CSMD2: variants seen among roughly 807,000 people sequenced by gnomAD.
The protein encoded by CSMD2 is CUB and sushi domain-containing protein 2.
CSMD2 carries 130 observed loss-of-function variants against 398.5 expected under a neutral mutation model. The ratio of observed to expected loss-of-function variants is 0.33; its 90% CI spans 0.28 to 0.38. CSMD2 has a LOEUF of 0.38. Among genes scored for constraint, CSMD2 ranks in the 10% least tolerant of loss-of-function variants. CSMD2 has a pLI of 1.00. For synonymous variants in CSMD2, 1,828 were observed against 1,908.5 expected, an observed-to-expected ratio of 0.96 and a Z score of 1.10; for missense variants, 3,829 against 4,764.9, an observed-to-expected ratio of 0.80 and a Z score of 5.78.
chr1:33,826,555 G>A (rs1352889178), intron 6 of CSMD2, among the ~76,000 whole-genome samples: 1 of 152,180 alleles, frequency 6.6e-6, no homozygotes, highest in East Asian at 1.9e-4. Context: ...GCTGAATCCT[G>A]GAGGTCACTG....
rs574642145 is a variant in CSMD2 at position 34,033,756 on chromosome 1, C to T, written c.405-1050G>A. On this transcript the variant is annotated intron_variant, in intron 2 of 70. Coordinates refer to ENST00000373381, the MANE Select transcript of CSMD2 (RefSeq NM_001281956.2). ...GGTTCTCCTGGGTGCCGCTGTATAC[C>T]TCCCACTGCTATACAATATCTTGAT... Among the ~76,000 whole-genome samples, 8 of 152,298 alleles carry T rather than the reference C, an allele frequency of 5.3e-5. No homozygotes were observed. In the South Asian group the frequency reaches 1.0e-3, roughly 20 times the overall value.
intron 52 of CSMD2, among the ~76,000 whole-genome samples, 198 bp from the exon 53 acceptor site, chr1:33,568,039 T>A (rs1659221860): frequency 6.6e-6 from 1 of 152,046 alleles, no homozygotes; most frequent in East Asian, 1.9e-4. Context: ...TTTCTGTGTC[T>A]CTACACAGAT....
At position 33,636,484 on chromosome 1, in the gene CSMD2, C is replaced by A; in HGVS notation, c.4845G>T (p.Lys1615Asn). ...AGTAGTAGGTGACGGAGGAGCCCAGCTTCAGGTCGGACCCCACCCGTGTGC... is the reference window on the plus strand; with the variant it reads ...AGTAGTAGGTGACGGAGGAGCCCAGATTCAGGTCGGACCCCACCCGTGTGC... ...KNGTRVGSDL[K>N]LGSSVTYYCH... is the part of the protein sequence containing the mutation. Residue 1615 changes from lysine (K) to asparagine (N), a missense_variant, in exon 30 of 71, where the codon AAG (lysine) becomes AAT (asparagine). Around this residue, in one of 5 missense-constraint regions of CSMD2, gnomAD observed 2,001 missense variants for 2,567.1 expected, o/e 0.78. Coordinates refer to ENST00000373381, the MANE Select transcript of CSMD2 (RefSeq NM_001281956.2). This position sits in a 1 kb window ranked among gnomAD's most constrained non-coding sequence, Gnocchi z 4.8. 4 of 1,614,168 alleles carry A rather than the reference C, an allele frequency of 2.5e-6. No homozygotes were observed.
intron 1 of CSMD2, among the ~76,000 whole-genome samples, chr1:34,107,126 C>A (rs987036870): frequency 6.6e-6 from 1 of 152,216 alleles, no homozygotes; most frequent in African/African-American, 2.4e-5. Flanking sequence ...GATTCTACTC[C>A]TGTCTGGGTC....
At chr1:33,955,891 C>T (rs1645152832) in intron 3 of CSMD2, among the ~76,000 whole-genome samples, 1 of 152,200 alleles carries the variant, frequency 6.6e-6, no homozygotes, top group African/African-American at 2.4e-5. Context: ...CCAGCCACAC[C>T]TGGGGGTTGG....
chr1:33,700,812 A>G lies in CSMD2; in HGVS notation c.3577-139T>C, dbSNP rs1645587723. On this transcript the variant is annotated intron_variant, in intron 22 of 70. Coordinates refer to ENST00000373381, the MANE Select transcript of CSMD2 (RefSeq NM_001281956.2). ...GAGGCACAGTGAGTTATCAGATGCA[A>G]GGAAGATGGCAGAGGGAAGCTATCA... 6.3e-6 allele frequency: 5 copies of G among 798,444 alleles called. 1 individual carries two copies. In the South Asian group the frequency reaches 6.9e-5, roughly 11 times the overall value. The allele number at this position is 798,444 out of a possible 1,614,324, so 49.5% of individuals were successfully genotyped here.
At chr1:34,061,992 T>A (rs1258629002) in intron 2 of CSMD2, among the ~76,000 whole-genome samples, 1 of 152,184 alleles carries the variant, frequency 6.6e-6, no homozygotes, top group Admixed American at 6.5e-5. Flanking sequence ...TATCTGTGTA[T>A]GGGATCTGTG....
intron 11 of CSMD2, 72 bp from the exon 12 acceptor site, chr1:33,788,784 G>T: frequency 9.8e-7 from 1 of 1,022,326 alleles, no homozygotes; most frequent in Non-Finnish European, 1.5e-6. Context: ...CCTGACCGAT[G>T]ACATTTAAAG....
chr1:33,880,102 T>C (rs1439253888), intron 5 of CSMD2, among the ~76,000 whole-genome samples: 1 of 152,188 alleles, frequency 6.6e-6, no homozygotes, highest in East Asian at 1.9e-4. Flanking sequence ...AAACACTGAT[T>C]GTGACCTCAT....
chr1:33,738,314 T>C (rs953511580), intron 15 of CSMD2, among the ~76,000 whole-genome samples: 2 of 152,168 alleles, frequency 1.3e-5, no homozygotes, highest in African/African-American at 4.8e-5. Context: ...GCCCTTGGGA[T>C]ACTCACTATT....
At chr1:33,891,203 G>GAAAA (rs201326020) in intron 5 of CSMD2, among the ~76,000 whole-genome samples, 3 of 144,760 alleles carry the variant, frequency 2.1e-5, no homozygotes, top group Non-Finnish European at 1.5e-5. Flanking sequence ...AAATTTACAA[G>GAAAA]AAAAAAAAAA....
rs1410609709 is a variant in CSMD2 at position 34,118,573 on chromosome 1, AAC to A, written c.188-29382_188-29381del. ...CAGCAAAGTTGCTGGATATAAAATC[AAC>A]ACACAAAAATAAGTTGCATTTCTAT... On this transcript the variant is annotated intron_variant, in intron 1 of 70. Transcript: ENST00000373381. Among the ~76,000 whole-genome samples, 10 of 152,378 alleles carry A rather than the reference AAC, an allele frequency of 6.6e-5. No homozygotes were observed. The East Asian group carries it at 1.9e-3, about 29-fold the overall frequency.
intron 3 of CSMD2, among the ~76,000 whole-genome samples, chr1:33,977,319 C>A (rs1027655437): frequency 1.3e-5 from 2 of 151,950 alleles, no homozygotes; most frequent in East Asian, 3.9e-4. Context: ...GGAGATTCAA[C>A]CTCATGAATG....
rs187175116 is a variant in CSMD2, at chr1:33,649,643, C to T, written c.4586+2680G>A. ...TGGGTGACAGAATGAAACTTTGTCT[C>T]AGAAACAAAACAAAACAAAAACAAT... On this transcript the variant is annotated intron_variant, in intron 28 of 70. Coordinates refer to ENST00000373381, the MANE Select transcript of CSMD2 (RefSeq NM_001281956.2). Among the ~76,000 whole-genome samples, 3 of 152,234 alleles carry T rather than the reference C, an allele frequency of 2.0e-5. No individual in the cohort carries two copies. The East Asian group carries it at 5.8e-4, about 29-fold the overall frequency.
At chr1:33,692,298 A>G (rs1645267198) in intron 25 of CSMD2, among the ~76,000 whole-genome samples, 1 of 152,198 alleles carries the variant, frequency 6.6e-6, no homozygotes, top group African/African-American at 2.4e-5. Context: ...TATCTTTTGA[A>G]GAAGTACATA....
chr1:34,132,784 G>A (rs553964002), intron 1 of CSMD2, among the ~76,000 whole-genome samples: 1 of 152,096 alleles, frequency 6.6e-6, no homozygotes, highest in Non-Finnish European at 1.5e-5. Context: ...CTTACACCAG[G>A]GTTCACCCCC....
chr1:33,873,199 T>C (rs1640597582), intron 5 of CSMD2, among the ~76,000 whole-genome samples: 1 of 152,218 alleles, frequency 6.6e-6, no homozygotes, highest in South Asian at 2.1e-4. Flanking sequence ...TTTCAGTTGG[T>C]GCTCCCACGG....
intron 11 of CSMD2, among the ~76,000 whole-genome samples, chr1:33,791,334 A>G (rs987201646): frequency 1.1e-4 from 17 of 152,162 alleles, no homozygotes; most frequent in Non-Finnish European, 1.8e-4. Flanking sequence ...TAAGCGAGAT[A>G]ATTGATGCAA....
chr1:33,884,050 G>A (rs1271696257), intron 5 of CSMD2, among the ~76,000 whole-genome samples: 3 of 152,136 alleles, frequency 2.0e-5, no homozygotes, highest in African/African-American at 4.8e-5. Context: ...TGGACACACA[G>A]TGGAATTCCC....
Sources: gnomAD v4.1 joint callset for allele counts (sites outside exome capture counted in the v4.1 genomes callset) on GRCh38, gnomAD v4.1.1 for gene constraint, gnomAD v4.1.1 regional missense constraint, Gnocchi (gnomAD v3.1) non-coding constraint, MANE v1.5 for transcripts, NCBI Gene and HGNC (gene_info 2026-07-23, HGNC 2026-07-21) for gene names.